The following GCN1 variants were observed in gnomAD, a reference collection of about 807,000 sequenced individuals.
The protein encoded by GCN1 is GCN1 activator of EIF2AK4.
GCN1 carries 90 observed loss-of-function variants against 288.4 expected under a neutral mutation model. That is an observed-to-expected ratio of 0.31 (90% CI 0.26 to 0.37). GCN1 has a LOEUF of 0.37. GCN1 is among the 10% of genes least tolerant of loss of function. GCN1 has a pLI of 1.00. For synonymous variants in GCN1, 1,386 were observed against 1,420.2 expected, an observed-to-expected ratio of 0.98 and a Z score of 0.54; for missense variants, 2,586 against 3,419.9, an observed-to-expected ratio of 0.76 and a Z score of 6.08.
At chr12:120,139,527 C>T (rs1167504697) in intron 45 of GCN1, among the ~76,000 whole-genome samples, 1 of 151,910 alleles carries the variant, frequency 6.6e-6, no homozygotes, top group Non-Finnish European at 1.5e-5. Flanking sequence ...ACTCAGGAGG[C>T]CATAGCGAGA....
At position 120,158,041 on chromosome 12, in the gene GCN1, G is replaced by A. The variant is rs374389540; in HGVS notation, c.2906-11C>T. On this transcript the variant is annotated splice_polypyrimidine_tract_variant and intron_variant, in intron 25 of 57. Transcript: ENST00000300648. This position sits in a 1 kb window ranked among gnomAD's most constrained non-coding sequence, Gnocchi z 4.3. ...ACAAGGGCGCAGCACCTGTGAGAGCGAGAAGCAGATAAGATTCTGCAGGCA... is the reference window on the plus strand; with the variant it reads ...ACAAGGGCGCAGCACCTGTGAGAGCAAGAAGCAGATAAGATTCTGCAGGCA... The A allele has an allele frequency of 5.0e-4, 805 of 1,612,946 alleles. 3 individuals carry two copies. The highest frequency in any genetic ancestry group is 6.3e-4 in the Non-Finnish European group (739 of 1,179,392).
Position 120,151,154 on chromosome 12 carries a change from G to A in GCN1, c.4300C>T (p.Arg1434Trp), listed in dbSNP as rs933817321. 4.3e-6 allele frequency: 7 copies of A among 1,613,132 alleles called. No homozygotes were observed. Among genetic ancestry groups the A allele is most frequent in the Admixed American group, 3.3e-5 (2 of 60,008 alleles). The change falls in exon 34 of 58, where the codon CGG (arginine) becomes TGG (tryptophan). Residue 1434 changes from arginine (R) to tryptophan (W), a missense_variant. By Grantham distance (101) the Arg-to-Trp change is moderately radical. Transcript: ENST00000300648. ...DAIQDKKNFR[R>W]REGALFAFEM... is the part of the protein sequence containing the mutation. The stretch of plus-strand genomic sequence containing the variant: ...GCTCAGAGATGCTCACCCTCTCGCC[G>A]GCGGAAGTTCTTCTTATCTTGGATG...
rs1877649360 is a variant in GCN1, at chr12:120,153,789, C to T, written c.3822G>A (p.Lys1274=). Residue 1274 remains lysine (K), a synonymous_variant, in exon 32 of 58, where the codon AAG becomes AAA. Transcript: ENST00000300648. This position sits in a 1 kb window ranked among gnomAD's most constrained non-coding sequence, Gnocchi z 4.4. ...ALNDRHPDVR[K]CMLDAALATL... The stretch of plus-strand genomic sequence containing the variant: ...TTGCGAGGGCTGCATCCAACATGCA[C>T]TTCCGGACATCTGGGTGTCGGTCAT... 1 of 1,614,102 alleles carries T rather than the reference C, an allele frequency of 6.2e-7. No homozygotes were observed. Among genetic ancestry groups the T allele is most frequent in the African/African-American group, 1.3e-5 (1 of 74,934 alleles).
chr12:120,161,331 A>G (rs1877918384), intron 22 of GCN1, among the ~76,000 whole-genome samples, 159 bp downstream of exon 22: 1 of 152,174 alleles, frequency 6.6e-6, no homozygotes, highest in Non-Finnish European at 1.5e-5. Context: ...GTGAAGGGAA[A>G]GTGTGCCAGT....
rs750729485 is a variant in GCN1, at chr12:120,153,878, A to G, written c.3733T>C (p.Ser1245Pro). ...CGLALALNKL[S>P]QYLDSSQVKP... ...ACCTGAGAGCTGTCCAAATACTGGG[A>G]GAGCTTGTTGAGGGCCAACGCCAAG... is the stretch of plus-strand genomic sequence containing the variant. Residue 1245 changes from serine to proline, a missense_variant, in exon 32 of 58, where the codon TCC becomes CCC. By Grantham distance (74) the Ser-to-Pro change is moderately conservative. Around this residue, in one of 8 missense-constraint regions of GCN1, gnomAD observed 332 missense variants for 403.0 expected, o/e 0.82. Coordinates refer to ENST00000300648, the MANE Select transcript of GCN1 (RefSeq NM_006836.2). This position sits in a 1 kb window ranked among gnomAD's most constrained non-coding sequence, Gnocchi z 4.4. 1.9e-6 allele frequency: 3 copies of G among 1,614,000 alleles called. No individual in the cohort carries two copies. The East Asian group carries it at 6.7e-5, about 36-fold the overall frequency.
At chr12:120,129,815 G>A (rs1876755962) in intron 56 of GCN1, among the ~76,000 whole-genome samples, 1 of 152,136 alleles carries the variant, frequency 6.6e-6, no homozygotes, top group South Asian at 2.1e-4. Context: ...CCATCCTGCA[G>A]GTCTCAGCTC....
chr12:120,147,130 G>A lies in GCN1; in HGVS notation c.4869C>T (p.Ala1623=). ...GCGTGTCCGTGGAACGGTCCTGGAAGGCTCTCTGGACAATGGGCATGATGA... is the reference window on the plus strand; with the variant it reads ...GCGTGTCCGTGGAACGGTCCTGGAAAGCTCTCTGGACAATGGGCATGATGA... ...LALIMPIVQR[A]FQDRSTDTRK... Residue 1623 remains alanine, a synonymous_variant, in exon 38 of 58, where the codon GCC becomes GCT. Coordinates refer to ENST00000300648, the MANE Select transcript of GCN1 (RefSeq NM_006836.2). 1.2e-6 allele frequency: 2 copies of A among 1,611,830 alleles called. No homozygotes were observed. The highest frequency in any genetic ancestry group is 1.7e-6 in the Non-Finnish European group (2 of 1,178,446).
intron 1 of GCN1, among the ~76,000 whole-genome samples, chr12:120,193,428 C>A (rs1879071098): frequency 6.6e-6 from 1 of 152,104 alleles, no homozygotes; most frequent in Non-Finnish European, 1.5e-5. Context: ...GCCTCAGCCT[C>A]CTGAGTAGCT....
Position 120,184,876 on chromosome 12 carries a change from C to T in GCN1, c.133G>A (p.Gly45Arg). The change falls in exon 3 of 58, where the codon GGA becomes AGA. Residue 45 changes from glycine (G) to arginine (R), a missense_variant. By Grantham distance (125) the Gly-to-Arg change is moderately radical. This residue lies in a region of GCN1 where 913 missense variants were observed against 1,107.0 expected (regional missense o/e 0.82). Transcript: ENST00000300648. ...AATTTGCAGAGCCCCTTCACTGCTC[C>T]CTCTGGAAGATCTGAAACCAGAGAT... ...KCVAGKDLPE[G>R]AVKGLCKLFC... 1 of 1,610,590 alleles carries T rather than the reference C, an allele frequency of 6.2e-7. No individual in the cohort carries two copies. Among genetic ancestry groups the T allele is most frequent in the East Asian group, 2.2e-5 (1 of 44,864 alleles).
intron 10 of GCN1, 101 bp from the exon 11 acceptor site, chr12:120,175,975 T>G: frequency 6.9e-7 from 1 of 1,455,788 alleles, no homozygotes; most frequent in African/African-American, 1.4e-5. Context: ...ATTAGCTGTT[T>G]GCTCTCATTC....
At position 120,142,835 on chromosome 12, in the gene GCN1, G is replaced by C; in HGVS notation, c.5602C>G (p.Gln1868Glu). ...GCCACTGCAGGCACCTTGTTGGACTGGGCAGTTCCAAAGTTATCATCCTCA... is the reference window on the plus strand; with the variant it reads ...GCCACTGCAGGCACCTTGTTGGACTCGGCAGTTCCAAAGTTATCATCCTCA... ...ASEDDNFGTA[Q>E]SNKAIITALG... Residue 1868 changes from glutamine to glutamate, a missense_variant, in exon 43 of 58, where the codon CAG (glutamine) becomes GAG (glutamate). This residue lies in a region of GCN1 where 437 missense variants were observed against 570.5 expected (regional missense o/e 0.77). Transcript: ENST00000300648. This position sits in a 1 kb window ranked among gnomAD's most constrained non-coding sequence, Gnocchi z 4.9. 6.2e-7 allele frequency: 1 copy of C among 1,609,958 alleles called. No homozygotes were observed. The highest frequency in any genetic ancestry group is 8.5e-7 in the Non-Finnish European group (1 of 1,176,156).
At position 120,170,195 on chromosome 12, in the gene GCN1, T is replaced by C. The variant is rs755079199; in HGVS notation, c.1493A>G (p.Lys498Arg). Residue 498 changes from lysine (K) to arginine (R), a missense_variant, in exon 15 of 58, where the codon AAG becomes AGG. Coordinates refer to ENST00000300648, the MANE Select transcript of GCN1 (RefSeq NM_006836.2). ...EGVAAALLLL[K>R]LSVADSQAEA... is the part of the protein sequence containing the mutation. ...AGCCTGTGAGTCAGCCACTGACAAC[T>C]TTAAGAGCAACAAGGCTGCGGCAAC... 3.1e-6 allele frequency: 5 copies of C among 1,614,148 alleles called. No homozygotes were observed. The Admixed American group carries it at 6.7e-5, about 22-fold the overall frequency.
In GCN1 at chr12:120,155,475, G is replaced by A; in HGVS notation, c.3441-45C>T. On this transcript the variant is annotated intron_variant, in intron 29 of 57. Transcript: ENST00000300648. The surrounding 1 kb of genome is among the most constrained non-coding windows in gnomAD (Gnocchi z 4.9). ...GGGGCTGCTTAGACAAAGATCTGCA[G>A]CACTTGCCCTGCCAGCCCAGCCCTT... is the stretch of plus-strand genomic sequence containing the variant. 1 of 1,603,502 alleles carries A rather than the reference G, an allele frequency of 6.2e-7. No homozygotes were observed. The highest frequency in any genetic ancestry group is 8.5e-7 in the Non-Finnish European group (1 of 1,171,860).
rs2139125693 is a variant in GCN1, at chr12:120,170,334, G to C, written c.1367-13C>G. On this transcript the variant is annotated splice_polypyrimidine_tract_variant and intron_variant, in intron 14 of 57. Coordinates refer to ENST00000300648, the MANE Select transcript of GCN1 (RefSeq NM_006836.2). The stretch of plus-strand genomic sequence containing the variant: ...AACAGCGTGTCACCTGTGGAGAGAG[G>C]ACAAGCACCTTAAAGGACATCCTGA... 2 of 1,613,400 alleles carry C rather than the reference G, an allele frequency of 1.2e-6. No individual in the cohort carries two copies. The highest frequency in any genetic ancestry group is 4.5e-5 in the East Asian group (2 of 44,874).
At chr12:120,163,000 T>G (rs759538044) in intron 19 of GCN1, 29 bp from the exon 20 acceptor site, 2 of 1,614,090 alleles carry the variant, frequency 1.2e-6, no homozygotes, top group South Asian at 1.1e-5. Flanking sequence ...CTTTGAGGCC[T>G]TCTGCCTGGC....
At position 120,134,584 on chromosome 12, in the gene GCN1, A is replaced by T; in HGVS notation, c.7151T>A (p.Leu2384His). The change falls in exon 52 of 58, where the codon CTC (leucine) becomes CAC (histidine). Residue 2384 changes from leucine to histidine, a missense_variant. Coordinates refer to ENST00000300648, the MANE Select transcript of GCN1 (RefSeq NM_006836.2). This position sits in a 1 kb window ranked among gnomAD's most constrained non-coding sequence, Gnocchi z 5.0. ...GATGCCATTGAGCAGCTCTGTGAAG[A>T]GGGGGTCCACCTTAATGTGGATGGA... is the stretch of plus-strand genomic sequence containing the variant. ...LISIHIKVDPLFTELLNGIRA... is the reference protein window; with the variant it reads ...LISIHIKVDPHFTELLNGIRA... 6.2e-7 allele frequency: 1 copy of T among 1,614,082 alleles called. No individual in the cohort carries two copies. The highest frequency in any genetic ancestry group is 8.5e-7 in the Non-Finnish European group (1 of 1,179,990).
At chr12:120,149,035 G>A (rs1877450856) in intron 36 of GCN1, among the ~76,000 whole-genome samples, 1 of 149,658 alleles carries the variant, frequency 6.7e-6, no homozygotes, top group Admixed American at 6.7e-5. Flanking sequence ...TGCCCAGGCT[G>A]GTCTAAATTC....
Position 120,162,862 on chromosome 12 carries a change from C to G in GCN1, c.2148G>C (p.Gln716His), listed in dbSNP as rs1339545248. 6.2e-7 allele frequency: 1 copy of G among 1,614,024 alleles called. No individual in the cohort carries two copies. The change falls in exon 20 of 58, where the codon CAG (glutamine) becomes CAC (histidine). Residue 716 changes from glutamine to histidine, a missense_variant. Physicochemically the swap from Gln to His is conservative, Grantham distance 24. This residue lies in a region of GCN1 where 913 missense variants were observed against 1,107.0 expected (regional missense o/e 0.82). Coordinates refer to ENST00000300648, the MANE Select transcript of GCN1 (RefSeq NM_006836.2). Reference sequence around the variant, plus strand: ...TGCCCGTCACCTGGTTTAGGGGACTCTGTGTGGTCATCCTGGGAATGATCT... The same window carrying G: ...TGCCCGTCACCTGGTTTAGGGGACTGTGTGTGGTCATCCTGGGAATGATCT... Reference protein sequence around the residue: ...LDQIIPRMTTQSPLNQSSMNA... With the variant: ...LDQIIPRMTTHSPLNQSSMNA...
At chr12:120,170,077 A>G in intron 15 of GCN1, 92 bp downstream of exon 15, 1 of 1,178,216 alleles carries the variant, frequency 8.5e-7, no homozygotes. Context: ...TGTGGTCAGG[A>G]CCAAGCTAAT....
Sources: gnomAD v4.1 joint callset for allele counts (sites outside exome capture counted in the v4.1 genomes callset) on GRCh38, gnomAD v4.1.1 for gene constraint, gnomAD v4.1.1 regional missense constraint, Gnocchi (gnomAD v3.1) non-coding constraint, MANE v1.5 for transcripts, NCBI Gene and HGNC (gene_info 2026-07-23, HGNC 2026-07-21) for gene names.